Variants in NREP observed in about 807,000 individuals in gnomAD.
The protein encoded by NREP is neuronal regeneration related protein, also known as neuronal regeneration-related protein.
Under a neutral mutation model 8.6 loss-of-function variants are expected in NREP, and 5 were observed. The observed-to-expected ratio is 0.58, with a 90% confidence interval of 0.30 to 1.22. The LOEUF (loss-of-function observed/expected upper bound fraction) is 1.22. Ranked by LOEUF, NREP falls within the 50% of genes most tolerant of loss-of-function variation. The pLI is 0.07. For synonymous variants in NREP, 27 were observed against 28.0 expected (o/e 0.96, Z 0.11); for missense variants, 86 against 82.5 (o/e 1.04, Z -0.17).
chr5:111,848,468 C>A (rs74520205), intron 2 of NREP, among the ~76,000 whole-genome samples: 2 of 152,184 alleles, frequency 1.3e-5, no homozygotes, highest in African/African-American at 2.4e-5. Context: ...TGGATACACA[C>A]CTGCCTGTTT....
intron 2 of NREP, among the ~76,000 whole-genome samples, chr5:111,789,414 G>A (rs1042828807): frequency 6.6e-6 from 1 of 152,166 alleles, no homozygotes; most frequent in Admixed American, 6.5e-5. Context: ...TAGAGGCAGA[G>A]TAAAGGTCTA....
intron 2 of NREP, among the ~76,000 whole-genome samples, chr5:111,916,957 A>T (rs560142742): frequency 6.6e-6 from 1 of 152,220 alleles, no homozygotes; most frequent in South Asian, 2.1e-4. Flanking sequence ...TTAGAGCAGG[A>T]AAGAAAGGAA....
intron 2 of NREP, among the ~76,000 whole-genome samples, chr5:111,822,921 C>T (rs763253947): frequency 6.6e-6 from 1 of 152,108 alleles, no homozygotes; most frequent in Non-Finnish European, 1.5e-5. Flanking sequence ...AATTATAAAA[C>T]TAAAAGCCAT....
intron 2 of NREP, among the ~76,000 whole-genome samples, chr5:111,822,290 G>A (rs1752529756): frequency 6.6e-6 from 1 of 152,178 alleles, no homozygotes; most frequent in Non-Finnish European, 1.5e-5. Flanking sequence ...ACTTTTCCCT[G>A]GAGTTATTTG....
At chr5:111,848,438 T>C (rs1297668927) in intron 2 of NREP, among the ~76,000 whole-genome samples, 2 of 152,134 alleles carry the variant, frequency 1.3e-5, no homozygotes, top group Non-Finnish European at 2.9e-5. Context: ...GGAGAGTTTT[T>C]TTCTCTCCCA....
chr5:111,847,373 G>A (rs1753206453), intron 2 of NREP, among the ~76,000 whole-genome samples: 1 of 152,102 alleles, frequency 6.6e-6, no homozygotes, highest in Non-Finnish European at 1.5e-5. Context: ...TATGTGGGCT[G>A]TAACCCTCAC....
intron 2 of NREP, among the ~76,000 whole-genome samples, chr5:111,858,916 C>A (rs1396899211): frequency 1.3e-5 from 2 of 151,952 alleles, no homozygotes. Context: ...CCTTCAAATT[C>A]ATTCCCATTT....
intron 2 of NREP, among the ~76,000 whole-genome samples, chr5:111,968,934 G>A (rs1756722925): frequency 6.6e-6 from 1 of 152,126 alleles, no homozygotes; most frequent in Non-Finnish European, 1.5e-5. Context: ...TCAGCCAGGT[G>A]GATGTAAAAT....
chr5:111,748,510 G>T (rs1399947992), intron 2 of NREP, among the ~76,000 whole-genome samples: 1 of 152,152 alleles, frequency 6.6e-6, no homozygotes, highest in African/African-American at 2.4e-5. Context: ...TGATCACTGA[G>T]GATGTGCCAG....
chr5:111,792,145 C>T (rs192760731), intron 2 of NREP, among the ~76,000 whole-genome samples: 2 of 152,264 alleles, frequency 1.3e-5, no homozygotes, highest in Admixed American at 1.3e-4. Flanking sequence ...GACAGGCTGA[C>T]AATAAGAAAT....
chr5:111,859,293 T>C (rs1356283845), intron 2 of NREP, among the ~76,000 whole-genome samples: 1 of 152,158 alleles, frequency 6.6e-6, no homozygotes, highest in Admixed American at 6.6e-5. Flanking sequence ...AAGTAGTTAT[T>C]AGTTGTAGCT....
chr5:111,757,300 A>T (rs1750785749), upstream of NREP: 1 of 654,234 alleles, frequency 1.5e-6, no homozygotes, highest in African/African-American at 2.0e-5. Flanking sequence ...GAGGAGGGGG[A>T]AGGGAAACAA....
intron 2 of NREP, among the ~76,000 whole-genome samples, chr5:111,955,091 G>T (rs1338525091): frequency 2.6e-5 from 4 of 152,146 alleles, no homozygotes; most frequent in Non-Finnish European, 5.9e-5. Context: ...TCCATTCGTT[G>T]ATATTCTCTT....
intron 2 of NREP, among the ~76,000 whole-genome samples, chr5:111,844,047 T>A (rs545509169): frequency 6.6e-6 from 1 of 152,286 alleles, no homozygotes; most frequent in Admixed American, 6.5e-5. Context: ...ATAGGTATAA[T>A]AGAAAGGTAT....
At chr5:111,954,296 A>G (rs1756249106) in intron 2 of NREP, among the ~76,000 whole-genome samples, 1 of 152,158 alleles carries the variant, frequency 6.6e-6, no homozygotes, top group Admixed American at 6.6e-5. Flanking sequence ...ACAGGGAAGC[A>G]GATTACTTCT....
At chr5:111,778,720 G>T (rs1325681720) in intron 2 of NREP, among the ~76,000 whole-genome samples, 2 of 152,146 alleles carry the variant, frequency 1.3e-5, no homozygotes, top group East Asian at 3.9e-4. Flanking sequence ...AAAAAGCAGA[G>T]ATTTCTTCAG....
upstream of NREP, chr5:111,758,121 C>T (rs1338592547): frequency 2.0e-6 from 2 of 985,346 alleles, no homozygotes; most frequent in Non-Finnish European, 2.4e-6. Context: ...CGGACCCTGC[C>T]CCTCAGCTGG....
intron 2 of NREP, among the ~76,000 whole-genome samples, chr5:111,908,054 C>G (rs1754820142): frequency 1.3e-5 from 2 of 151,954 alleles, no homozygotes; most frequent in African/African-American, 4.8e-5. Flanking sequence ...TGAATGATGA[C>G]TAGTTGATTA....
intron 3 of NREP, chr5:111,731,986 G>C (rs1162516140): frequency 6.6e-6 from 1 of 152,200 alleles, no homozygotes; most frequent in Non-Finnish European, 1.5e-5. Context: ...TATGAACACA[G>C]TGAAGATTTG....
Sources: allele counts gnomAD v4.1 joint callset (sites outside exome capture counted in the v4.1 genomes callset), GRCh38; gene constraint gnomAD v4.1.1; transcripts MANE v1.5; gene names NCBI Gene and HGNC (gene_info 2026-07-23, HGNC 2026-07-21).